The following ARIH2 variants were observed in gnomAD, a reference collection of about 807,000 sequenced individuals.
The protein encoded by ARIH2 is E3 ubiquitin-protein ligase ARIH2.
A neutral mutation model predicts 79.8 loss-of-function variants in ARIH2; 12 were observed. That is an observed-to-expected ratio of 0.15 (90% CI 0.10 to 0.24). ARIH2 has a LOEUF of 0.24. Among genes scored for constraint, ARIH2 ranks in the 10% least tolerant of loss-of-function variants. ARIH2 has a pLI of 1.00. For missense variants in ARIH2, 301 were observed against 618.3 expected, an observed-to-expected ratio of 0.49 and a Z score of 5.44; for synonymous variants, 224 against 213.9, an observed-to-expected ratio of 1.05 and a Z score of -0.41.
intron 3 of ARIH2, among the ~76,000 whole-genome samples, chr3:48,942,833 T>G (rs956482050): frequency 6.6e-6 from 1 of 152,054 alleles, no homozygotes; most frequent in Non-Finnish European, 1.5e-5. Context: ...GTATTTTTAG[T>G]AGAGATGAGG....
intron 3 of ARIH2, among the ~76,000 whole-genome samples, chr3:48,956,359 G>A (rs2090570587): frequency 6.8e-6 from 1 of 147,434 alleles, no homozygotes; most frequent in Admixed American, 6.9e-5. Flanking sequence ...GGCTGGTCTC[G>A]AACTCCTGAC....
chr3:48,967,068 C>T, intron 5 of ARIH2, 57 bp from the exon 6 acceptor site: 1 of 1,583,624 alleles, frequency 6.3e-7, no homozygotes, highest in Non-Finnish European at 8.6e-7. Flanking sequence ...ATGAGGTACC[C>T]TTATGGCCTT....
intron 3 of ARIH2, among the ~76,000 whole-genome samples, chr3:48,929,042 T>C (rs1324541567): frequency 2.0e-5 from 3 of 152,214 alleles, no homozygotes; most frequent in Non-Finnish European, 2.9e-5. Context: ...TGCACACCTC[T>C]CCCTTGTTGA....
At chr3:48,949,327 C>T (rs1265180548) in intron 3 of ARIH2, among the ~76,000 whole-genome samples, 1 of 152,110 alleles carries the variant, frequency 6.6e-6, no homozygotes, top group Non-Finnish European at 1.5e-5. Flanking sequence ...ACCGTGTTAG[C>T]CAGGATGGTC....
At chr3:48,981,264 A>G (rs567065935) in intron 13 of ARIH2, among the ~76,000 whole-genome samples, 1 of 151,912 alleles carries the variant, frequency 6.6e-6, no homozygotes, top group East Asian at 1.9e-4. Context: ...TCTGGGAGGC[A>G]GAGTTTGCAG....
intron 7 of ARIH2, 23 bp from the exon 8 acceptor site, chr3:48,970,572 G>A (rs756245624): frequency 6.5e-7 from 1 of 1,533,036 alleles, no homozygotes; most frequent in East Asian, 2.3e-5. Context: ...TGTCCTCATT[G>A]TTTCCTCTTG....
intron 3 of ARIH2, among the ~76,000 whole-genome samples, chr3:48,949,992 A>T (rs2089746513): frequency 6.6e-6 from 1 of 152,014 alleles, no homozygotes. Flanking sequence ...TCATATCTAG[A>T]AATCTTTGCC....
chr3:48,956,513 T>A (rs1254015524), intron 3 of ARIH2, among the ~76,000 whole-genome samples: 1 of 129,832 alleles, frequency 7.7e-6, no homozygotes, highest in Non-Finnish European at 1.6e-5. Context: ...CTGGCTGTGG[T>A]GTTGAACTCC....
In ARIH2 at chr3:48,968,544, C is replaced by T. The variant is rs2107597654; in HGVS notation, c.549C>T (p.Cys183=). 1 of 1,609,458 alleles carries T rather than the reference C, an allele frequency of 6.2e-7. No homozygotes were observed. The highest frequency in any genetic ancestry group is 8.5e-7 in the Non-Finnish European group (1 of 1,176,828). ...VKDGVGVGVS[C]MAQDCPLRTP... is the part of the protein sequence containing the mutation. Reference sequence around the variant, plus strand: ...GTTTTTGTTCAACAGGAGTCTCTTGCATGGCTCAGGACTGTCCACTCCGTA... The same window carrying T: ...GTTTTTGTTCAACAGGAGTCTCTTGTATGGCTCAGGACTGTCCACTCCGTA... Residue 183 remains cysteine, a synonymous_variant, in exon 7 of 16, where the codon TGC becomes TGT. Transcript: ENST00000356401.
intron 3 of ARIH2, chr3:48,944,924 A>G (rs960852325): frequency 2.1e-5 from 8 of 377,382 alleles, no homozygotes; most frequent in Non-Finnish European, 3.6e-5. Flanking sequence ...TAGCCATTCT[A>G]GCCCAGGCCC....
At chr3:48,944,372 G>C (rs2107287168) in intron 3 of ARIH2, among the ~76,000 whole-genome samples, 1 of 152,258 alleles carries the variant, frequency 6.6e-6, no homozygotes, top group South Asian at 2.1e-4. Flanking sequence ...CTTATATTGA[G>C]TGAGGTCTTT....
chr3:48,968,652 G>A lies in ARIH2; in HGVS notation c.657G>A (p.Val219=). 6.2e-7 allele frequency: 1 copy of A among 1,607,900 alleles called. No homozygotes were observed. Among genetic ancestry groups the A allele is most frequent in the East Asian group, 2.2e-5 (1 of 44,616 alleles). Reference sequence around the variant, plus strand: ...GGCGCTACCTCTTCAGGGACTATGTGGAGGTATGGCCAGCCTTTGTTCTGC... The same window carrying A: ...GGCGCTACCTCTTCAGGGACTATGTAGAGGTATGGCCAGCCTTTGTTCTGC... The part of the protein sequence containing the change: ...KYRRYLFRDY[V]ESHYQLQLCP... Residue 219 remains valine, a synonymous_variant, in exon 7 of 16, where the codon GTG becomes GTA. Transcript: ENST00000356401.
intron 3 of ARIH2, chr3:48,928,066 C>T (rs2085871304): frequency 2.1e-6 from 1 of 474,226 alleles, no homozygotes; most frequent in African/African-American, 1.9e-5. Context: ...AAAGATGTAC[C>T]ATACCAGAAA....
intron 13 of ARIH2, 30 bp from the exon 14 acceptor site, chr3:48,981,630 A>C: frequency 6.3e-7 from 1 of 1,594,756 alleles, no homozygotes; most frequent in East Asian, 2.2e-5. Context: ...AATCACAGAC[A>C]CAGGTTCCTT....
At chr3:48,970,761 A>G in intron 8 of ARIH2, 57 bp downstream of exon 8, 1 of 1,356,650 alleles carries the variant, frequency 7.4e-7, no homozygotes. Flanking sequence ...CCTCCAAAGC[A>G]CCACTGCTGT....
intron 14 of ARIH2, among the ~76,000 whole-genome samples, chr3:48,982,100 AT>A (rs1288831726): frequency 6.6e-6 from 1 of 152,208 alleles, no homozygotes; most frequent in East Asian, 1.9e-4. Flanking sequence ...TTAGAGTTGA[AT>A]TTGAATATGA....
At chr3:48,956,718 A>G (rs1358498964) in intron 3 of ARIH2, among the ~76,000 whole-genome samples, 2 of 150,300 alleles carry the variant, frequency 1.3e-5, no homozygotes, top group Non-Finnish European at 3.0e-5. Flanking sequence ...TATTTTTTTG[A>G]GATGGAGTTT....
At chr3:48,939,228 A>G (rs1045965771) in intron 3 of ARIH2, among the ~76,000 whole-genome samples, 2 of 151,512 alleles carry the variant, frequency 1.3e-5, no homozygotes, top group Non-Finnish European at 2.9e-5. Context: ...TCGGCCTCCC[A>G]AAGTGCTGGG....
intron 5 of ARIH2, among the ~76,000 whole-genome samples, chr3:48,965,994 G>C (rs2091760435): frequency 6.6e-6 from 1 of 151,898 alleles, no homozygotes; most frequent in Non-Finnish European, 1.5e-5. Flanking sequence ...CTCTGACAAA[G>C]CCTGTCTCCT....
Sources: gnomAD v4.1 joint callset for allele counts (sites outside exome capture counted in the v4.1 genomes callset) on GRCh38, gnomAD v4.1.1 for gene constraint, MANE v1.5 for transcripts, NCBI Gene and HGNC (gene_info 2026-07-23, HGNC 2026-07-21) for gene names.